The following CD83 variants were observed in gnomAD, a reference collection of about 807,000 sequenced individuals.
CD83 encodes the protein CD83 molecule, also known as CD83 antigen.
Under a neutral mutation model 24.6 loss-of-function variants are expected in CD83, and 22 were observed. The ratio of observed to expected loss-of-function variants is 0.90; its 90% confidence interval spans 0.64 to 1.28. The LOEUF is 1.28. Ranked by LOEUF, CD83 falls within the 50% of genes most tolerant of loss-of-function variation. The pLI is 0.00. For missense variants in CD83, 253 were observed against 252.8 expected (o/e 1.00, Z -0.01); for synonymous variants, 101 against 103.5 (o/e 0.98, Z 0.14).
At chr6:14,118,122 G>C in intron 2 of CD83, 57 bp downstream of exon 2, 1 of 1,299,296 alleles carries the variant, frequency 7.7e-7, no homozygotes, top group African/African-American at 1.5e-5. Flanking sequence ...AAGACAGCAG[G>C]AACCATCTCC....
At chr6:14,121,219 GA>G (rs1478953504) in intron 2 of CD83, among the ~76,000 whole-genome samples, 1 of 151,974 alleles carries the variant, frequency 6.6e-6, no homozygotes, top group Non-Finnish European at 1.5e-5. Flanking sequence ...TCCCAAGCTG[GA>G]GTACAGTGGC....
At chr6:14,119,428 A>G (rs1438502119) in intron 2 of CD83, among the ~76,000 whole-genome samples, 1 of 152,244 alleles carries the variant, frequency 6.6e-6, no homozygotes, top group African/African-American at 2.4e-5. Context: ...CCACGTGCCA[A>G]GCTCCAAGGT....
At chr6:14,132,014 A>T (rs1757922893) in intron 3 of CD83, among the ~76,000 whole-genome samples, 1 of 152,210 alleles carries the variant, frequency 6.6e-6, no homozygotes, top group Non-Finnish European at 1.5e-5. Context: ...GATTCCGTAC[A>T]ACCGTTGATT....
At chr6:14,132,909 C>T (rs1473134087) in intron 3 of CD83, among the ~76,000 whole-genome samples, 1 of 152,214 alleles carries the variant, frequency 6.6e-6, no homozygotes, top group Non-Finnish European at 1.5e-5. Context: ...AACTTGCTTC[C>T]CCAAACAGCA....
chr6:14,133,723 A>G lies in CD83; in HGVS notation c.457A>G (p.Ile153Val), dbSNP rs778041658. 1.9e-6 allele frequency: 3 copies of G among 1,612,710 alleles called. No homozygotes were observed. Among genetic ancestry groups the G allele is most frequent in the African/African-American group, 1.3e-5 (1 of 74,796 alleles). The change falls in exon 4 of 5, where the codon ATT becomes GTT. Residue 153 changes from isoleucine to valine, a missense_variant. By Grantham distance (29) the Ile-to-Val change is conservative. Transcript: ENST00000379153. ...AEIVLLLALVIFYLTLIIFTC... is the reference protein window; with the variant it reads ...AEIVLLLALVVFYLTLIIFTC... ...GATTGTCCTGCTGCTGGCTCTGGTT[A>G]TTTTCTACTTAACACTCATCATTTT...
Position 14,131,520 on chromosome 6 carries a change from T to G in CD83, c.154T>G (p.Leu52Val), listed in dbSNP as rs1757898730. The G allele has an allele frequency of 6.2e-7, 1 of 1,608,456 alleles. No homozygotes were observed. Among genetic ancestry groups the G allele is most frequent in the African/African-American group, 1.3e-5 (1 of 74,722 alleles). ...QVPYTVSWVK[L>V]LEGGEERMET... The stretch of plus-strand genomic sequence containing the variant: ...ATGCGCTCTGATTCCTTCTTCACAG[T>G]TATTGGAGGGTGGTGAAGAGAGGAT... Residue 52 changes from leucine (L) to valine (V), a missense_variant and splice_region_variant, in exon 3 of 5, where the codon TTA becomes GTA. By Grantham distance (32) the Leu-to-Val change is conservative (BLOSUM62 1). Transcript: ENST00000379153.
At chr6:14,134,342 A>T (rs1292196523) in intron 4 of CD83, among the ~76,000 whole-genome samples, 2 of 152,198 alleles carry the variant, frequency 1.3e-5, no homozygotes, top group Non-Finnish European at 2.9e-5. Context: ...CATGCCCATG[A>T]GCTGTTGGTT....
chr6:14,120,792 A>G (rs945148925), intron 2 of CD83, among the ~76,000 whole-genome samples: 2 of 152,266 alleles, frequency 1.3e-5, no homozygotes, highest in African/African-American at 4.8e-5. Flanking sequence ...GGACCCATGT[A>G]AACCATGTGT....
intron 2 of CD83, among the ~76,000 whole-genome samples, chr6:14,120,401 T>C (rs9464660): frequency 0.011 from 1,714 of 152,332 alleles, 30 homozygotes; most frequent in African/African-American, 0.036. Flanking sequence ...TTTTACAGAA[T>C]GTTAAGCATC....
Position 14,129,158 on chromosome 6 carries a change from C to T in CD83, c.154-2362C>T, listed in dbSNP as rs1478897254. On this transcript the variant is annotated intron_variant, in intron 2 of 4. Coordinates refer to ENST00000379153, the MANE Select transcript of CD83 (RefSeq NM_004233.4). This position sits in a 1 kb window ranked among gnomAD's most constrained non-coding sequence, Gnocchi z 4.3. ...TCAAAACGGTTGTTGCAGCTACACT[C>T]GCATTTGGAGGTTAATTTAGAAAAA... Among the ~76,000 whole-genome samples the T allele has an allele frequency of 6.6e-6, 1 of 152,142 alleles. No individual in the cohort carries two copies. The highest frequency in any genetic ancestry group is 2.4e-5 in the African/African-American group (1 of 41,426).
chr6:14,132,063 G>A (rs1757924210), intron 3 of CD83, among the ~76,000 whole-genome samples: 1 of 152,172 alleles, frequency 6.6e-6, no homozygotes. Flanking sequence ...TTGGACTTCG[G>A]GTAATATTAT....
At chr6:14,135,022 G>A in intron 4 of CD83, 86 bp from the exon 5 acceptor site, 5 of 1,385,442 alleles carry the variant, frequency 3.6e-6, no homozygotes, top group Non-Finnish European at 5.0e-6. Flanking sequence ...TGTCTAGCCA[G>A]CTCTTAGTGA....
At chr6:14,132,254 C>T (rs868830922) in intron 3 of CD83, among the ~76,000 whole-genome samples, 1 of 152,286 alleles carries the variant, frequency 6.6e-6, no homozygotes, top group Middle Eastern at 3.4e-3. Flanking sequence ...TCTGTCTCCC[C>T]AAGAGAACAA....
At chr6:14,117,695 C>G, upstream of CD83, 3 of 712,432 alleles carry the variant, frequency 4.2e-6, no homozygotes, top group Non-Finnish European at 4.2e-6. This position sits in a 1 kb window ranked among gnomAD's most constrained non-coding sequence, Gnocchi z 4.6. Flanking sequence ...CGCTGCCCGC[C>G]GGGGAATCCC....
intron 3 of CD83, 146 bp from the exon 4 acceptor site, chr6:14,133,503 A>G (rs890083023): frequency 3.1e-5 from 19 of 609,974 alleles, no homozygotes; most frequent in Non-Finnish European, 5.3e-5. Context: ...TGTCACCTTC[A>G]CTGTCACTGT....
At chr6:14,125,109 C>G (rs985430875) in intron 2 of CD83, among the ~76,000 whole-genome samples, 1 of 152,228 alleles carries the variant, frequency 6.6e-6, no homozygotes, top group African/African-American at 2.4e-5. Flanking sequence ...TCCCCTAAAG[C>G]CTTCAGAGAG....
chr6:14,123,078 TTTTG>T (rs761634047), intron 2 of CD83, among the ~76,000 whole-genome samples: 126 of 152,188 alleles, frequency 8.3e-4, no homozygotes, highest in African/African-American at 2.7e-3. Flanking sequence ...TTGAAGGATT[TTTTG>T]TTTGTTTGTT....
At chr6:14,135,054 C>A (rs2113407495) in intron 4 of CD83, 54 bp from the exon 5 acceptor site, 3 of 1,593,400 alleles carry the variant, frequency 1.9e-6, no homozygotes, top group East Asian at 4.5e-5. Flanking sequence ...AAGGAGGTGA[C>A]AACTGCTGAA....
chr6:14,128,173 A>G (rs757271176), intron 2 of CD83, among the ~76,000 whole-genome samples: 29 of 152,176 alleles, frequency 1.9e-4, no homozygotes, highest in Non-Finnish European at 2.5e-4. Context: ...ATTTGCTGTT[A>G]CTCCGTTTTC....
Sources: gnomAD v4.1 joint callset for allele counts (sites outside exome capture counted in the v4.1 genomes callset) on GRCh38, gnomAD v4.1.1 for gene constraint, Gnocchi (gnomAD v3.1) non-coding constraint, MANE v1.5 for transcripts, NCBI Gene and HGNC (gene_info 2026-07-23, HGNC 2026-07-21) for gene names.